The following MACROD2 variants were observed in gnomAD, a reference collection of about 807,000 sequenced individuals.
MACROD2 encodes the protein mono-ADP ribosylhydrolase 2, also known as ADP-ribose glycohydrolase MACROD2.
A neutral mutation model predicts 70.4 loss-of-function variants in MACROD2; 36 were observed. That is an observed-to-expected ratio of 0.51 (90% CI 0.39 to 0.68). The LOEUF (loss-of-function observed/expected upper bound fraction) is 0.68. Ranked by LOEUF, MACROD2 falls within the 30% of genes least tolerant of loss-of-function variation. MACROD2 has a pLI of 0.00. For synonymous variants in MACROD2, 172 were observed against 178.8 expected, an observed-to-expected ratio of 0.96 and a Z score of 0.30; for missense variants, 496 against 538.4, an observed-to-expected ratio of 0.92 and a Z score of 0.78.
At chr20:14,994,096 A>G (rs1251943255) in intron 5 of MACROD2, among the ~76,000 whole-genome samples, 3 of 152,190 alleles carry the variant, frequency 2.0e-5, no homozygotes, top group African/African-American at 7.2e-5. Context: ...AAATGCCTTT[A>G]CATACACAGA....
intron 8 of MACROD2, among the ~76,000 whole-genome samples, chr20:15,712,658 G>A (rs1242043938): frequency 1.3e-5 from 2 of 152,132 alleles, no homozygotes; most frequent in Non-Finnish European, 2.9e-5. Context: ...TCCAGTGCCT[G>A]TCTCCATTGC....
intron 5 of MACROD2, among the ~76,000 whole-genome samples, chr20:14,801,732 A>G (rs2072578380): frequency 6.6e-6 from 1 of 152,018 alleles, no homozygotes; most frequent in South Asian, 2.1e-4. Flanking sequence ...TGCTAGGGTG[A>G]CTGAACTTGA....
intron 2 of MACROD2, among the ~76,000 whole-genome samples, chr20:14,014,579 AT>A (rs1437547508): frequency 6.6e-6 from 1 of 152,136 alleles, no homozygotes; most frequent in Non-Finnish European, 1.5e-5. Context: ...TCATACAATA[AT>A]TTAGAGGGTA....
At chr20:14,873,381 T>A (rs931798172) in intron 5 of MACROD2, among the ~76,000 whole-genome samples, 1 of 152,110 alleles carries the variant, frequency 6.6e-6, no homozygotes, top group Non-Finnish European at 1.5e-5. Flanking sequence ...TAGGTTTACA[T>A]GTGTTTTAAG....
At position 15,179,551 on chromosome 20, in the gene MACROD2, T is replaced by A. The variant is rs1400982651; in HGVS notation, c.419-50389T>A. ...TTTTGCACTCACCCCCAGACTGTTT[T>A]TACCCTGCTTACAAGACAGCTCTCT... On this transcript the variant is annotated intron_variant, in intron 5 of 17. Transcript: ENST00000684519. 2.0e-5 allele frequency among the ~76,000 whole-genome samples: 3 copies of A among 152,264 alleles called. No individual in the cohort carries two copies. In the East Asian group the frequency reaches 5.8e-4, roughly 29 times the overall value.
At chr20:15,162,219 G>A (rs1568609916) in intron 5 of MACROD2, among the ~76,000 whole-genome samples, 1 of 151,996 alleles carries the variant, frequency 6.6e-6, no homozygotes, top group Non-Finnish European at 1.5e-5. Flanking sequence ...GTATTGTATT[G>A]TTTTTTAAAA....
intron 3 of MACROD2, among the ~76,000 whole-genome samples, chr20:14,331,733 G>C (rs145602511): frequency 1.9e-4 from 29 of 152,002 alleles, no homozygotes; most frequent in African/African-American, 4.8e-4. Context: ...CATATTAAAG[G>C]CTGCAAGGAT....
chr20:15,786,908 A>G (rs1206349699), intron 8 of MACROD2, among the ~76,000 whole-genome samples: 2 of 152,198 alleles, frequency 1.3e-5, no homozygotes, highest in African/African-American at 4.8e-5. Flanking sequence ...TACAAAGTGT[A>G]AGTGTCCCAA....
At chr20:14,478,167 A>G (rs146730368) in intron 3 of MACROD2, among the ~76,000 whole-genome samples, 42 of 152,352 alleles carry the variant, frequency 2.8e-4, no homozygotes, top group Non-Finnish European at 5.7e-4. Flanking sequence ...TGTAGTCTCA[A>G]CAAAGCCCTC....
At chr20:14,308,069 T>C (rs1001111300) in intron 3 of MACROD2, among the ~76,000 whole-genome samples, 5 of 152,162 alleles carry the variant, frequency 3.3e-5, no homozygotes, top group Non-Finnish European at 5.9e-5. Context: ...GTCTGAGTGC[T>C]ATATACTGCT....
At chr20:14,462,080 C>G (rs924917211) in intron 3 of MACROD2, among the ~76,000 whole-genome samples, 39 of 152,136 alleles carry the variant, frequency 2.6e-4, no homozygotes, top group African/African-American at 8.9e-4. Context: ...AATGCTATTT[C>G]TAGTTCTAGA....
intron 3 of MACROD2, among the ~76,000 whole-genome samples, chr20:14,264,011 ACACACACACAC>A (rs2082122409): frequency 7.6e-6 from 1 of 130,978 alleles, no homozygotes; most frequent in South Asian, 2.6e-4. Context: ...ACACACACAC[ACACACACACAC>A]ACACAACACA....
At chr20:14,958,339 C>T (rs1016459850) in intron 5 of MACROD2, among the ~76,000 whole-genome samples, 15 of 152,126 alleles carry the variant, frequency 9.9e-5, no homozygotes, top group Admixed American at 9.8e-4. Context: ...GGACAATTTC[C>T]AGAAAGGTCC....
At chr20:15,886,578 G>T in intron 10 of MACROD2, among the ~76,000 whole-genome samples, 1 of 152,008 alleles carries the variant, frequency 6.6e-6, no homozygotes, top group East Asian at 1.9e-4. Flanking sequence ...ACTATATTTT[G>T]CTCTCATTAT....
intron 5 of MACROD2, among the ~76,000 whole-genome samples, chr20:15,024,148 T>G (rs904063128): frequency 2.0e-5 from 3 of 152,190 alleles, no homozygotes; most frequent in Non-Finnish European, 2.9e-5. Flanking sequence ...TACATCATTC[T>G]GGTCCAAAGA....
intron 3 of MACROD2, among the ~76,000 whole-genome samples, chr20:14,111,463 A>G (rs1270352836): frequency 6.6e-6 from 1 of 152,082 alleles, no homozygotes; most frequent in South Asian, 2.1e-4. Flanking sequence ...TACCCATCTG[A>G]CAAGGAATTA....
chr20:15,556,853 A>G (rs1151921), intron 8 of MACROD2, among the ~76,000 whole-genome samples: 33,968 of 152,132 alleles, frequency 0.22, 5,898 homozygotes, highest in East Asian at 0.47. Flanking sequence ...GTGAACTTGA[A>G]TCCAGACTTC....
At chr20:14,317,834 TTA>T (rs903172358) in intron 3 of MACROD2, among the ~76,000 whole-genome samples, 3 of 152,134 alleles carry the variant, frequency 2.0e-5, no homozygotes, top group African/African-American at 7.2e-5. Flanking sequence ...ATCTCTAAAG[TTA>T]TTGTGTGAAT....
chr20:16,006,024 A>G (rs1444840978), intron 15 of MACROD2, among the ~76,000 whole-genome samples: 1 of 152,204 alleles, frequency 6.6e-6, no homozygotes, highest in African/African-American at 2.4e-5. Context: ...GAGATCAGTT[A>G]AAGACTTGAG....
Sources: gnomAD v4.1 joint callset for allele counts (sites outside exome capture counted in the v4.1 genomes callset) on GRCh38, gnomAD v4.1.1 for gene constraint, MANE v1.5 for transcripts, NCBI Gene and HGNC (gene_info 2026-07-23, HGNC 2026-07-21) for gene names.